SMNDC1: variants seen among roughly 807,000 people sequenced by gnomAD.
SMNDC1 encodes survival of motor neuron-related-splicing factor 30.
SMNDC1 carries 5 observed loss-of-function variants against 29.2 expected under a neutral mutation model. That is an observed-to-expected ratio of 0.17 (90% confidence interval 0.09 to 0.36). SMNDC1 has a LOEUF of 0.36. Ranked by LOEUF, SMNDC1 falls within the 10% of genes least tolerant of loss-of-function variation. The pLI, the probability that SMNDC1 is intolerant of heterozygous loss-of-function variation, is 1.00. For synonymous variants in SMNDC1, 80 were observed against 89.9 expected, an observed-to-expected ratio of 0.89 and a Z score of 0.62; for missense variants, 142 against 268.5, an observed-to-expected ratio of 0.53 and a Z score of 3.29.
chr10:110,296,622 G>C (rs1460383814), intron 4 of SMNDC1, among the ~76,000 whole-genome samples: 2 of 152,086 alleles, frequency 1.3e-5, no homozygotes, highest in Non-Finnish European at 1.5e-5. Flanking sequence ...CCTGGGTTCA[G>C]GCCATCATCT....
chr10:110,294,772 G>C (rs1484466325), intron 5 of SMNDC1, among the ~76,000 whole-genome samples: 1 of 152,184 alleles, frequency 6.6e-6, no homozygotes, highest in Non-Finnish European at 1.5e-5. Context: ...GTAACACATG[G>C]GTGAAAGTCA....
chr10:110,296,048 TAG>T lies in SMNDC1; in HGVS notation c.426-669_426-668del, dbSNP rs199553803. Among the ~76,000 whole-genome samples, 1,414 of 152,314 alleles carry T rather than the reference TAG, an allele frequency of 9.3e-3. 11 individuals are homozygous for T. The highest frequency in any genetic ancestry group is 0.014 in the Non-Finnish European group (932 of 68,030). ...ATCTAAGCCTTCAACTACTTCCAAA[TAG>T]ACATAGTTAACAAGTGCAGCATTTA... On this transcript the variant is annotated intron_variant, in intron 4 of 5. Coordinates refer to ENST00000369603, the MANE Select transcript of SMNDC1 (RefSeq NM_005871.4).
intron 4 of SMNDC1, 140 bp downstream of exon 4, chr10:110,297,427 G>T (rs936469419): frequency 2.7e-6 from 2 of 732,220 alleles, no homozygotes; most frequent in Non-Finnish European, 4.5e-6. Flanking sequence ...CACAGACAAT[G>T]TTGACCCTTT....
At chr10:110,299,224 C>T (rs1857610889) in intron 2 of SMNDC1, among the ~76,000 whole-genome samples, 1 of 152,072 alleles carries the variant, frequency 6.6e-6, no homozygotes, top group South Asian at 2.1e-4. Context: ...CCAAGCAATC[C>T]CAAAACACTT....
At chr10:110,301,739 G>C (rs1003604503) in intron 2 of SMNDC1, among the ~76,000 whole-genome samples, 5 of 152,270 alleles carry the variant, frequency 3.3e-5, no homozygotes, top group African/African-American at 1.2e-4. Context: ...TTATAGAAAA[G>C]AGGATACTTT....
rs549870394 is a variant in SMNDC1 at position 110,303,346 on chromosome 10, T to C, written c.120+122A>G. The C allele has an allele frequency of 5.7e-5, 45 of 783,682 alleles. No individual in the cohort carries two copies. The East Asian group carries it at 1.2e-3, about 21-fold the overall frequency. 48.5% of individuals were successfully genotyped at this position (783,682 alleles called of 1,614,324 possible). A position where few individuals can be genotyped will look rare whatever the true frequency, so the allele number is the denominator to read the frequency against. ...CCCTACTTCTACAAGCAATGGTACC[T>C]ACAGAATTTACATATATACATAGGG... On this transcript the variant is annotated intron_variant, in intron 2 of 5. Transcript: ENST00000369603.
rs528234543 is a variant in SMNDC1 at position 110,292,479 on chromosome 10, A to C, written c.*1671T>G. ...TTTCTGGGGTCACACAATGACACCA[A>C]ATTTCTTCCCAGTGCTTTTTAATTC... On this transcript the variant is annotated 3_prime_UTR_variant, in exon 6 of 6. Coordinates refer to ENST00000369603, the MANE Select transcript of SMNDC1 (RefSeq NM_005871.4). 6 of 152,324 alleles carry C rather than the reference A, an allele frequency of 3.9e-5. No homozygotes were observed. In the East Asian group the frequency reaches 1.2e-3, roughly 29 times the overall value. 9.4% of individuals were successfully genotyped at this position (152,324 alleles called of 1,614,324 possible). A position where few individuals can be genotyped will look rare whatever the true frequency, so the allele number is the denominator to read the frequency against.
chr10:110,291,293 AC>A lies in SMNDC1; in HGVS notation c.*2856del, dbSNP rs1191995871. ...TAATTTTAAACAAGCATTAGGGGTG[AC>A]TTTTATTATAACCTTCACCCCCTTC... On this transcript the variant is annotated 3_prime_UTR_variant, in exon 6 of 6. Transcript: ENST00000369603. 2.6e-5 allele frequency: 4 copies of A among 152,348 alleles called. No homozygotes were observed. The highest frequency in any genetic ancestry group is 9.6e-5 in the African/African-American group (4 of 41,582). The allele number at this position is 152,348 out of a possible 1,614,324, so 9.4% of individuals were successfully genotyped here. A position where few individuals can be genotyped will look rare whatever the true frequency, so the allele number is the denominator to read the frequency against.
chr10:110,298,967 T>A (rs1455953932), intron 2 of SMNDC1, among the ~76,000 whole-genome samples, 177 bp from the exon 3 acceptor site: 1 of 152,240 alleles, frequency 6.6e-6, no homozygotes, highest in Non-Finnish European at 1.5e-5. Flanking sequence ...TACAGTATTG[T>A]CTACCAGTTA....
rs999419843 is a variant in SMNDC1, at chr10:110,304,868, G to C, written c.-121C>G. 1 of 152,926 alleles carries C rather than the reference G, an allele frequency of 6.5e-6. No individual in the cohort carries two copies. The highest frequency in any genetic ancestry group is 2.4e-5 in the African/African-American group (1 of 41,458). The allele number at this position is 152,926 out of a possible 1,614,324, so 9.5% of individuals were successfully genotyped here. A position where few individuals can be genotyped will look rare whatever the true frequency, so the allele number is the denominator to read the frequency against. On this transcript the variant is annotated 5_prime_UTR_variant, in exon 1 of 6. Transcript: ENST00000369603. ...AAAATCACCGCGACGACAGCAAGGC[G>C]ACCCGGTCTGAAAAGGAAGAACTCG...
rs1276094200 is a variant in SMNDC1 at position 110,294,139 on chromosome 10, A to C, written c.*11T>G. 2.6e-6 allele frequency: 4 copies of C among 1,565,166 alleles called. No homozygotes were observed. The highest frequency in any genetic ancestry group is 3.4e-6 in the Non-Finnish European group (4 of 1,161,492). On this transcript the variant is annotated 3_prime_UTR_variant, in exon 6 of 6. Coordinates refer to ENST00000369603, the MANE Select transcript of SMNDC1 (RefSeq NM_005871.4). ...AAGCCCTGCAGAGATGAAATCCAACAGTTTTTCTGATTATTGAGGCATCAA... is the reference window on the plus strand; with the variant it reads ...AAGCCCTGCAGAGATGAAATCCAACCGTTTTTCTGATTATTGAGGCATCAA...
Position 110,293,846 on chromosome 10 carries a change from T to G in SMNDC1, c.*304A>C. 5.3e-6 allele frequency: 1 copy of G among 188,138 alleles called. No homozygotes were observed. The allele number at this position is 188,138 out of a possible 1,614,324, so 11.7% of individuals were successfully genotyped here. On this transcript the variant is annotated 3_prime_UTR_variant, in exon 6 of 6. Coordinates refer to ENST00000369603, the MANE Select transcript of SMNDC1 (RefSeq NM_005871.4). ...TACAACTTACAAAAAGTACACACCA[T>G]AGGTTAAGTAGGCGCCTGATATTAG...
chr10:110,295,934 G>A (rs1231679315), intron 4 of SMNDC1, among the ~76,000 whole-genome samples: 14 of 152,146 alleles, frequency 9.2e-5, no homozygotes, highest in African/African-American at 2.4e-5. Flanking sequence ...GAGCCACTGC[G>A]CCCAGCCTTA....
At chr10:110,301,643 T>C (rs1483945437) in intron 2 of SMNDC1, among the ~76,000 whole-genome samples, 1 of 152,216 alleles carries the variant, frequency 6.6e-6, no homozygotes, top group Non-Finnish European at 1.5e-5. Context: ...CAACCAAATG[T>C]GGCTAGTGGC....
chr10:110,301,949 T>G (rs982810542), intron 2 of SMNDC1, among the ~76,000 whole-genome samples: 1 of 152,190 alleles, frequency 6.6e-6, no homozygotes, highest in African/African-American at 2.4e-5. Context: ...ATAATGCTAT[T>G]TCTAACTCCA....
Position 110,291,109 on chromosome 10 carries a change from T to C in SMNDC1, c.*3041A>G. ...TGGTTTGACGCCTAGTCTTCATGATTAGGCTAAAAGGTAATTTTTCTTCAT... is the reference window on the plus strand; with the variant it reads ...TGGTTTGACGCCTAGTCTTCATGATCAGGCTAAAAGGTAATTTTTCTTCAT... On this transcript the variant is annotated 3_prime_UTR_variant, in exon 6 of 6. Coordinates refer to ENST00000369603, the MANE Select transcript of SMNDC1 (RefSeq NM_005871.4). The C allele has an allele frequency of 6.6e-6, 1 of 152,226 alleles. No homozygotes were observed. Among genetic ancestry groups the C allele is most frequent in the Non-Finnish European group, 1.5e-5 (1 of 68,038 alleles). The allele number at this position is 152,226 out of a possible 1,614,324, so 9.4% of individuals were successfully genotyped here. A position where few individuals can be genotyped will look rare whatever the true frequency, so the allele number is the denominator to read the frequency against.
intron 4 of SMNDC1, among the ~76,000 whole-genome samples, chr10:110,296,243 C>T (rs1331334193): frequency 6.6e-6 from 1 of 151,980 alleles, no homozygotes; most frequent in Non-Finnish European, 1.5e-5. Flanking sequence ...AGCCTAAAAC[C>T]CCCAATAATT....
chr10:110,301,584 T>A (rs150669237), intron 2 of SMNDC1, among the ~76,000 whole-genome samples: 1 of 152,340 alleles, frequency 6.6e-6, no homozygotes, highest in African/African-American at 2.4e-5. Context: ...CTAATTAAGT[T>A]ATACTAAAAA....
chr10:110,301,650 T>C (rs1857650540), intron 2 of SMNDC1, among the ~76,000 whole-genome samples: 2 of 152,234 alleles, frequency 1.3e-5, no homozygotes, highest in African/African-American at 4.8e-5. Flanking sequence ...ATGTGGCTAG[T>C]GGCTATGGTA....
Sources: gnomAD v4.1 joint callset for allele counts (sites outside exome capture counted in the v4.1 genomes callset) on GRCh38, gnomAD v4.1.1 for gene constraint, MANE v1.5 for transcripts, NCBI Gene and HGNC (gene_info 2026-07-23, HGNC 2026-07-21) for gene names.